Variants in DCLK1 observed in about 807,000 individuals in gnomAD.
The protein encoded by DCLK1 is serine/threonine-protein kinase DCLK1.
In DCLK1, 16 loss-of-function variants were observed where a neutral mutation model predicts 86.2. The observed-to-expected ratio is 0.19, with a 90% CI of 0.13 to 0.28. The LOEUF is 0.28. Among genes scored for constraint, DCLK1 ranks in the 10% least tolerant of loss-of-function variants. The pLI, the probability that DCLK1 is intolerant of heterozygous loss-of-function variation, is 1.00. For missense variants in DCLK1, 590 were observed against 940.2 expected (o/e 0.63, Z 4.87); for synonymous variants, 369 against 370.5 (o/e 1.00, Z 0.05).
intron 4 of DCLK1, among the ~76,000 whole-genome samples, chr13:35,937,084 C>G (rs1475721563): frequency 6.6e-6 from 1 of 150,984 alleles, no homozygotes; most frequent in East Asian, 2.0e-4. Context: ...ATTCTCCTGC[C>G]TCAGCCTCCC....
chr13:36,107,404 C>T (rs1885437340), intron 3 of DCLK1, among the ~76,000 whole-genome samples: 1 of 137,604 alleles, frequency 7.3e-6, no homozygotes, highest in Non-Finnish European at 1.5e-5. Context: ...AGTGCAGTGG[C>T]GCGATCTCGA....
chr13:36,111,097 G>A (rs1885601580), intron 3 of DCLK1, among the ~76,000 whole-genome samples: 1 of 151,936 alleles, frequency 6.6e-6, no homozygotes, highest in Admixed American at 6.6e-5. Context: ...GCCTCCCAAA[G>A]TGCTGGGATT....
At chr13:35,919,174 C>A (rs1875628768) in intron 4 of DCLK1, among the ~76,000 whole-genome samples, 1 of 152,152 alleles carries the variant, frequency 6.6e-6, no homozygotes, top group African/African-American at 2.4e-5. Context: ...TTACAGCCAT[C>A]AGCCACCACA....
At chr13:35,989,425 C>T (rs543581793) in intron 3 of DCLK1, among the ~76,000 whole-genome samples, 1 of 152,198 alleles carries the variant, frequency 6.6e-6, no homozygotes, top group African/African-American at 2.4e-5. Context: ...GTGCTCACCA[C>T]CACACCCGGC....
rs2086707759 is a variant in DCLK1 at position 35,791,504 on chromosome 13, C to CTAATGAGTG, written c.2058+1853_2058+1861dup. On this transcript the variant is annotated intron_variant, in intron 16 of 16. Transcript: ENST00000360631. ...AAAGTGGATCTTTGATCTTCAAATACTAATGAGTGTTTTAAGATCCAGCTA... is the reference window on the plus strand; with the variant it reads ...AAAGTGGATCTTTGATCTTCAAATACTAATGAGTGTAATGAGTGTTTTAAGATCCAGCTA... Among the ~76,000 whole-genome samples, 9 of 152,156 alleles carry CTAATGAGTG rather than the reference C, an allele frequency of 5.9e-5. No homozygotes were observed. In the South Asian group the frequency reaches 1.9e-3, roughly 32 times the overall value.
At chr13:35,949,433 A>C (rs1877548583) in intron 3 of DCLK1, among the ~76,000 whole-genome samples, 1 of 152,200 alleles carries the variant, frequency 6.6e-6, no homozygotes. Context: ...GGAAAGACAG[A>C]ACAGTTATCC....
chr13:36,092,361 C>G (rs1884855805), intron 3 of DCLK1, among the ~76,000 whole-genome samples: 1 of 152,110 alleles, frequency 6.6e-6, no homozygotes, highest in African/African-American at 2.4e-5. Flanking sequence ...AACACAGTTC[C>G]TAGCACAACG....
chr13:35,785,187 C>T (rs955827477), intron 16 of DCLK1, among the ~76,000 whole-genome samples: 2 of 152,146 alleles, frequency 1.3e-5, no homozygotes, highest in African/African-American at 4.8e-5. Flanking sequence ...CTAGCTGTTG[C>T]CCTGTTCTGT....
chr13:35,920,922 G>A (rs191836719), intron 4 of DCLK1, among the ~76,000 whole-genome samples: 32 of 152,084 alleles, frequency 2.1e-4, no homozygotes, highest in Non-Finnish European at 2.8e-4. Flanking sequence ...GTAAGTCACC[G>A]TGGCCACTCA....
intron 14 of DCLK1, among the ~76,000 whole-genome samples, chr13:35,806,155 TTTAC>T (rs1353021802): frequency 6.6e-6 from 1 of 152,140 alleles, no homozygotes; most frequent in Non-Finnish European, 1.5e-5. Context: ...AAAAAAACAC[TTTAC>T]TTAAAATTTC....
rs561367884 is a variant in DCLK1, at chr13:35,997,342, C to A, written c.724-49885G>T. Among the ~76,000 whole-genome samples, 12 of 152,286 alleles carry A rather than the reference C, an allele frequency of 7.9e-5. No homozygotes were observed. The East Asian group carries it at 2.3e-3, about 29-fold the overall frequency. On this transcript the variant is annotated intron_variant, in intron 3 of 16. Transcript: ENST00000360631. ...AGGCAGATATGATTATCTTTAATTT[C>A]TTTTCTCATCTCTCATTTTAAGGGG...
intron 3 of DCLK1, among the ~76,000 whole-genome samples, chr13:36,069,279 A>G (rs1313023029): frequency 2.6e-5 from 4 of 152,328 alleles, no homozygotes; most frequent in South Asian, 4.1e-4. Context: ...CTTTTAAAAC[A>G]CAGTCCTCTT....
At chr13:35,865,329 C>A (rs914308612) in intron 5 of DCLK1, among the ~76,000 whole-genome samples, 1 of 152,130 alleles carries the variant, frequency 6.6e-6, no homozygotes, top group Non-Finnish European at 1.5e-5. Context: ...TATGAAGAAT[C>A]AAACCCATAT....
intron 2 of DCLK1, among the ~76,000 whole-genome samples, chr13:36,121,480 A>G (rs1355463976): frequency 2.0e-5 from 3 of 152,248 alleles, no homozygotes; most frequent in African/African-American, 7.2e-5. Context: ...AAGGGCAAGT[A>G]CAGTACAAAA....
chr13:36,112,789 T>C (rs1885661485), intron 2 of DCLK1, among the ~76,000 whole-genome samples: 1 of 152,240 alleles, frequency 6.6e-6, no homozygotes, highest in Admixed American at 6.5e-5. Context: ...CCACACATAC[T>C]ATAAGGTCAA....
chr13:35,984,343 C>T (rs1051296611), intron 3 of DCLK1, among the ~76,000 whole-genome samples: 1 of 152,236 alleles, frequency 6.6e-6, no homozygotes, highest in Non-Finnish European at 1.5e-5. Context: ...ATTTGCCTGA[C>T]ATGTAATTCA....
rs767760727 is a variant in DCLK1, at chr13:35,990,429, C to T, written c.724-42972G>A. Among the ~76,000 whole-genome samples, 10 of 151,976 alleles carry T rather than the reference C, an allele frequency of 6.6e-5. 1 individual carries two copies. Among genetic ancestry groups the T allele is most frequent in the South Asian group, 4.2e-4 (2 of 4,808 alleles). The stretch of plus-strand genomic sequence containing the variant: ...GAACTTCAGTCCCAATTGGCTATTG[C>T]GCCTCTGATCTCTGCTTGAGTTCTC... On this transcript the variant is annotated intron_variant, in intron 3 of 16. Coordinates refer to ENST00000360631, the MANE Select transcript of DCLK1 (RefSeq NM_001330071.2).
Position 35,768,846 on chromosome 13 carries a change from C to T in DCLK1, c.*5689G>A, listed in dbSNP as rs978702054. Reference sequence around the variant, plus strand: ...TTTAAAGCCTTGCATAGAGAGAATTCCCCCTAAGAACACAGCTGGGCTATT... The same window carrying T: ...TTTAAAGCCTTGCATAGAGAGAATTTCCCCTAAGAACACAGCTGGGCTATT... On this transcript the variant is annotated 3_prime_UTR_variant, in exon 17 of 17. Coordinates refer to ENST00000360631, the MANE Select transcript of DCLK1 (RefSeq NM_001330071.2). 6.6e-6 allele frequency: 1 copy of T among 152,160 alleles called. No individual in the cohort carries two copies. The highest frequency in any genetic ancestry group is 1.5e-5 in the Non-Finnish European group (1 of 68,030). The allele number at this position is 152,160 out of a possible 1,614,324, so 9.4% of individuals were successfully genotyped here.
intron 4 of DCLK1, among the ~76,000 whole-genome samples, chr13:35,890,802 T>A (rs1055109255): frequency 1.3e-5 from 2 of 151,990 alleles, no homozygotes; most frequent in African/African-American, 4.8e-5. Flanking sequence ...AATTGAAAAC[T>A]TTTTCCATAT....
Sources: allele counts gnomAD v4.1 joint callset (sites outside exome capture counted in the v4.1 genomes callset), GRCh38; gene constraint gnomAD v4.1.1; transcripts MANE v1.5; gene names NCBI Gene and HGNC (gene_info 2026-07-23, HGNC 2026-07-21).